The following PLXNA4 variants were observed in gnomAD, a reference collection of about 807,000 sequenced individuals.
PLXNA4 encodes plexin A4.
Under a neutral mutation model 191.8 loss-of-function variants are expected in PLXNA4, and 44 were observed. The observed-to-expected ratio is 0.23, with a 90% CI of 0.18 to 0.29. PLXNA4 has a LOEUF of 0.29. Among genes scored for constraint, PLXNA4 ranks in the 10% least tolerant of loss-of-function variants. The probability of loss-of-function intolerance (pLI) is 1.00; values close to 1 mark genes in which losing one functional copy is unlikely to be tolerated. For missense variants in PLXNA4, 1,800 were observed against 2,488.8 expected, an observed-to-expected ratio of 0.72 and a Z score of 5.89; for synonymous variants, 1,082 against 1,009.5, an observed-to-expected ratio of 1.07 and a Z score of -1.36.
rs1197240194 is a variant in PLXNA4 at position 132,618,664 on chromosome 7, G to A, written c.-87+27264C>T. Among the ~76,000 whole-genome samples the A allele has an allele frequency of 2.6e-5, 4 of 152,314 alleles. No individual in the cohort carries two copies. The East Asian group carries it at 7.7e-4, about 29-fold the overall frequency. On this transcript the variant is annotated intron_variant, in intron 2 of 4. Transcript: ENST00000378539. ...GGCTTTTGTAATGCAAGATTGTGAG[G>A]CAAGGAGCAGCCAGAAAAGTAGCAG... is the stretch of plus-strand genomic sequence containing the variant.
chr7:132,279,766 T>C (rs1800409560), intron 4 of PLXNA4, among the ~76,000 whole-genome samples: 1 of 152,208 alleles, frequency 6.6e-6, no homozygotes, highest in African/African-American at 2.4e-5. Flanking sequence ...CAGTAAACTG[T>C]CAACAAATAA....
At chr7:132,400,815 C>T (rs151079493) in intron 3 of PLXNA4, among the ~76,000 whole-genome samples, 103 of 152,316 alleles carry the variant, frequency 6.8e-4, no homozygotes, top group South Asian at 2.5e-3. Flanking sequence ...TCATAAACAG[C>T]ATAAGCCAGC....
At chr7:132,421,578 G>GTTTTT (rs370481755) in intron 3 of PLXNA4, among the ~76,000 whole-genome samples, 60 of 146,638 alleles carry the variant, frequency 4.1e-4, no homozygotes, top group Admixed American at 1.2e-3. Flanking sequence ...TATTGCTAAA[G>GTTTTT]TTTTTTTTTT....
intron 18 of PLXNA4, 28 bp from the exon 19 acceptor site, chr7:132,180,760 C>T (rs762559965): frequency 6.3e-7 from 1 of 1,598,336 alleles, no homozygotes; most frequent in South Asian, 1.1e-5. Context: ...CACCAGTTCC[C>T]ACCCCAGAGT....
intron 9 of PLXNA4, among the ~76,000 whole-genome samples, chr7:132,216,825 T>C (rs1315011398): frequency 6.6e-6 from 1 of 152,218 alleles, no homozygotes; most frequent in Admixed American, 6.5e-5. Flanking sequence ...ATGATCCAGC[T>C]TCCACCCAAA....
At chr7:132,262,405 G>A (rs1167175206) in intron 4 of PLXNA4, among the ~76,000 whole-genome samples, 2 of 152,138 alleles carry the variant, frequency 1.3e-5, no homozygotes, top group African/African-American at 2.4e-5. Context: ...ACATTGTGCT[G>A]GTTGTAACTT....
intron 1 of PLXNA4, among the ~76,000 whole-genome samples, chr7:132,535,976 GC>G (rs1432295669): frequency 1.3e-5 from 2 of 152,174 alleles, no homozygotes; most frequent in Admixed American, 6.5e-5. Flanking sequence ...CAGACTCAAA[GC>G]CAGGCTCCAG....
intron 3 of PLXNA4, among the ~76,000 whole-genome samples, chr7:132,479,274 GAAAA>G (rs11310613): frequency 7.0e-6 from 1 of 141,968 alleles, no homozygotes; most frequent in East Asian, 2.1e-4. Context: ...ATCTCTTTGG[GAAAA>G]AAAAAAAAAA....
chr7:132,626,707 T>C (rs913707409), intron 2 of PLXNA4, among the ~76,000 whole-genome samples: 1 of 152,174 alleles, frequency 6.6e-6, no homozygotes, highest in African/African-American at 2.4e-5. Flanking sequence ...TTTAATAAAT[T>C]ACCCAGTTCC....
chr7:132,622,811 C>G (rs1258948283), intron 2 of PLXNA4, among the ~76,000 whole-genome samples: 1 of 152,210 alleles, frequency 6.6e-6, no homozygotes, highest in Non-Finnish European at 1.5e-5. Context: ...GGAAGCTGCC[C>G]TCGAGCTCAG....
Position 132,181,484 on chromosome 7 carries a change from A to T in PLXNA4, c.3389T>A (p.Ile1130Asn), listed in dbSNP as rs1796702968. The T allele has an allele frequency of 3.7e-6, 6 of 1,613,998 alleles. No individual in the cohort carries two copies. In the South Asian group the frequency reaches 4.4e-5, roughly 12 times the overall value. The change falls in exon 18 of 32, where the codon ATC becomes AAC. Residue 1130 changes from isoleucine to asparagine, a missense_variant. Physicochemically the swap from Ile to Asn is moderately radical, Grantham distance 149. Coordinates refer to ENST00000321063, the MANE Select transcript of PLXNA4 (RefSeq NM_020911.2). Reference protein sequence around the residue: ...FILDNVQSLLILNKTNFTYYP... With the variant: ...FILDNVQSLLNLNKTNFTYYP... ...GTAGGTGAAGTTGGTCTTGTTGAGG[A>T]TGAGCAGGGACTGGACGTTGTCCAG...
intron 30 of PLXNA4, among the ~76,000 whole-genome samples, chr7:132,133,951 G>A (rs1795042794): frequency 6.6e-6 from 1 of 152,146 alleles, no homozygotes; most frequent in South Asian, 2.1e-4. Flanking sequence ...AATGACAGGA[G>A]GGCATCATAA....
At chr7:132,155,184 A>T (rs917128783) in intron 25 of PLXNA4, among the ~76,000 whole-genome samples, 2 of 152,206 alleles carry the variant, frequency 1.3e-5, no homozygotes, top group African/African-American at 2.4e-5. Context: ...GAACCTCTGG[A>T]GGTCACGGAC....
intron 5 of PLXNA4, among the ~76,000 whole-genome samples, chr7:132,238,848 C>A (rs145610040): frequency 1.3e-5 from 2 of 152,238 alleles, no homozygotes; most frequent in South Asian, 2.1e-4. Flanking sequence ...ACAGTCCTTC[C>A]CCAGCCTTGT....
chr7:132,390,775 A>G (rs1366161811), intron 3 of PLXNA4, among the ~76,000 whole-genome samples: 1 of 152,056 alleles, frequency 6.6e-6, no homozygotes, highest in African/African-American at 2.4e-5. Flanking sequence ...GCCTTTCAGC[A>G]GGCACTTGCA....
chr7:132,186,202 C>A (rs945831678), intron 15 of PLXNA4, among the ~76,000 whole-genome samples: 2 of 152,136 alleles, frequency 1.3e-5, no homozygotes, highest in South Asian at 4.1e-4. Flanking sequence ...TTGCTCCTAC[C>A]CCCTAGGCTC....
chr7:132,470,007 G>C (rs1796874782), intron 3 of PLXNA4, among the ~76,000 whole-genome samples: 2 of 152,164 alleles, frequency 1.3e-5, no homozygotes, highest in Admixed American at 1.3e-4. Context: ...CTTCTCATTG[G>C]GTTCTAATAG....
At chr7:132,193,446 T>G (rs1270147010) in intron 14 of PLXNA4, among the ~76,000 whole-genome samples, 3 of 152,054 alleles carry the variant, frequency 2.0e-5, no homozygotes, top group Non-Finnish European at 4.4e-5. Context: ...GTAAACAGAC[T>G]AAGACACTGG....
chr7:132,493,703 GTGGATGGA>G (rs1190730841), intron 2 of PLXNA4, among the ~76,000 whole-genome samples: 119 of 149,168 alleles, frequency 8.0e-4, no homozygotes, highest in Non-Finnish European at 1.3e-3. Context: ...GGATGGATAG[GTGGATGGA>G]TGGATGGATG....
Sources: allele counts gnomAD v4.1 joint callset (sites outside exome capture counted in the v4.1 genomes callset), GRCh38; gene constraint gnomAD v4.1.1; transcripts MANE v1.5; gene names NCBI Gene and HGNC (gene_info 2026-07-23, HGNC 2026-07-21).